The following TPX2 variants were observed in gnomAD, a reference collection of about 807,000 sequenced individuals.
TPX2 encodes the protein targeting protein for Xklp2.
TPX2 carries 21 observed loss-of-function variants against 93.6 expected under a neutral mutation model. The observed-to-expected ratio is 0.22, with a 90% CI of 0.16 to 0.32. TPX2 has a LOEUF of 0.32. TPX2 is among the 10% of genes least tolerant of loss of function. The pLI is 1.00. For synonymous variants in TPX2, 281 were observed against 298.3 expected, an observed-to-expected ratio of 0.94 and a Z score of 0.60; for missense variants, 776 against 871.1, an observed-to-expected ratio of 0.89 and a Z score of 1.37.
chr20:31,794,108 A>C, intron 14 of TPX2, 84 bp downstream of exon 14: 1 of 1,349,102 alleles, frequency 7.4e-7, no homozygotes, highest in Non-Finnish European at 1.0e-6. Context: ...TTTTAACTAT[A>C]AAATCACTGA....
chr20:31,759,078 C>T (rs2061870671), intron 3 of TPX2, among the ~76,000 whole-genome samples: 1 of 151,854 alleles, frequency 6.6e-6, no homozygotes, highest in African/African-American at 2.4e-5. Flanking sequence ...ATATTACTTT[C>T]CAATTTCTTT....
rs199599115 is a variant in TPX2 at position 31,776,032 on chromosome 20, T to C, written c.730+44T>C. 6 of 1,202,610 alleles carry C rather than the reference T, an allele frequency of 5.0e-6. No homozygotes were observed. The East Asian group carries it at 1.7e-4, about 33-fold the overall frequency. 74.5% of individuals were successfully genotyped at this position (1,202,610 alleles called of 1,614,324 possible). A position where few individuals can be genotyped will look rare whatever the true frequency, so the allele number is the denominator to read the frequency against. On this transcript the variant is annotated intron_variant, in intron 8 of 17. Transcript: ENST00000300403. ...GAGTCTGATTCATGAGGGGTGGTTC[T>C]TAACACTCTTGGTAGGTGTTTTTTT...
chr20:31,749,943 A>T (rs1300219748), intron 2 of TPX2, among the ~76,000 whole-genome samples: 4 of 151,782 alleles, frequency 2.6e-5, no homozygotes, highest in Non-Finnish European at 4.4e-5. Context: ...TAAATTAATT[A>T]TTATTATATT....
intron 10 of TPX2, among the ~76,000 whole-genome samples, chr20:31,779,604 G>A (rs185247795): frequency 2.4e-3 from 362 of 152,318 alleles, no homozygotes; most frequent in Non-Finnish European, 4.1e-3. Context: ...TTATGGCAGG[G>A]GATTTTGAGG....
intron 13 of TPX2, 139 bp from the exon 14 acceptor site, chr20:31,793,709 G>GTT: frequency 1.3e-6 from 1 of 782,720 alleles, no homozygotes; most frequent in Non-Finnish European, 1.9e-6. Flanking sequence ...ATCCTTCTTG[G>GTT]ATAGAAAAGG....
At chr20:31,778,767 G>T in intron 9 of TPX2, 46 bp from the exon 10 acceptor site, 1 of 1,496,186 alleles carries the variant, frequency 6.7e-7, no homozygotes, top group Non-Finnish European at 8.9e-7. Flanking sequence ...GTAGATGTGA[G>T]CTCTTCCGTG....
chr20:31,767,941 T>C (rs1796938737), intron 5 of TPX2, among the ~76,000 whole-genome samples: 1 of 151,470 alleles, frequency 6.6e-6, no homozygotes, highest in South Asian at 2.1e-4. Context: ...TCATCTTTTT[T>C]TTTTTTTTGA....
Position 31,794,557 on chromosome 20 carries a change from T to A in TPX2, c.1833+9T>A, listed in dbSNP as rs756153162. 5 of 1,612,430 alleles carry A rather than the reference T, an allele frequency of 3.1e-6. No homozygotes were observed. The highest frequency in any genetic ancestry group is 4.2e-6 in the Non-Finnish European group (5 of 1,179,512). On this transcript the variant is annotated intron_variant, in intron 15 of 17. Transcript: ENST00000300403. The stretch of plus-strand genomic sequence containing the variant: ...AGACTTGGAAGCACCAGGTAGGGGA[T>A]GGGGAGAGCAGCCAAAATGTTAATT...
intron 10 of TPX2, among the ~76,000 whole-genome samples, chr20:31,780,294 C>T (rs964075331): frequency 6.6e-6 from 1 of 152,042 alleles, no homozygotes; most frequent in Non-Finnish European, 1.5e-5. Context: ...TCAAGTGATC[C>T]GCCCGCCTCA....
chr20:31,775,439 G>A (rs544609921), intron 7 of TPX2, among the ~76,000 whole-genome samples: 1 of 151,568 alleles, frequency 6.6e-6, no homozygotes, highest in South Asian at 2.1e-4. Context: ...GCAGTGGCGT[G>A]ATCTTGGCTC....
At chr20:31,788,069 C>T (rs952928836) in intron 12 of TPX2, among the ~76,000 whole-genome samples, 3 of 152,080 alleles carry the variant, frequency 2.0e-5, no homozygotes, top group African/African-American at 7.2e-5. Flanking sequence ...ATTTATTTTC[C>T]TTTCACAGGG....
chr20:31,798,656 T>C, intron 17 of TPX2, 104 bp downstream of exon 17: 1 of 1,357,100 alleles, frequency 7.4e-7, no homozygotes, highest in Non-Finnish European at 9.8e-7. Flanking sequence ...CGCAAGGCTG[T>C]ACCAAAGACA....
intron 2 of TPX2, among the ~76,000 whole-genome samples, chr20:31,743,709 T>C (rs13042659): frequency 6.7e-6 from 1 of 149,462 alleles, no homozygotes; most frequent in Non-Finnish European, 1.5e-5. Context: ...AGTCTGTACA[T>C]ATGCAGTACA....
intron 17 of TPX2, among the ~76,000 whole-genome samples, chr20:31,799,451 A>T (rs994820372): frequency 2.0e-5 from 3 of 152,340 alleles, no homozygotes; most frequent in Admixed American, 1.3e-4. Flanking sequence ...TGCTCACACT[A>T]CAATAAGTGG....
Position 31,744,757 on chromosome 20 carries a change from A to C in TPX2, c.-71+2110A>C, listed in dbSNP as rs377045738. Among the ~76,000 whole-genome samples, 6 of 152,200 alleles carry C rather than the reference A, an allele frequency of 3.9e-5. No individual in the cohort carries two copies. The South Asian group carries it at 1.2e-3, about 32-fold the overall frequency. ...GGTATTCCATTATTTGGTTCTTTAT[A>C]TTACTTTTACCAGTGAAATTGCTGG... is the stretch of plus-strand genomic sequence containing the variant. On this transcript the variant is annotated intron_variant, in intron 2 of 17. Transcript: ENST00000300403.
At chr20:31,777,675 A>T in intron 9 of TPX2, 37 bp downstream of exon 9, 1 of 1,598,668 alleles carries the variant, frequency 6.3e-7, no homozygotes, top group African/African-American at 1.3e-5. Flanking sequence ...TCTGTTACTA[A>T]TATTCATTTA....
intron 6 of TPX2, among the ~76,000 whole-genome samples, chr20:31,771,010 GTTATAT>G (rs1234546156): frequency 2.0e-5 from 3 of 151,212 alleles, no homozygotes; most frequent in African/African-American, 4.9e-5. Flanking sequence ...ATCTCTAGGT[GTTATAT>G]TTATGTTTAA....
intron 17 of TPX2, among the ~76,000 whole-genome samples, chr20:31,800,497 C>G (rs1013556021): frequency 2.0e-5 from 3 of 152,196 alleles, no homozygotes; most frequent in African/African-American, 4.8e-5. Context: ...GGGACCATGC[C>G]TTCTTTAGCC....
chr20:31,779,837 G>A (rs1299791938), intron 10 of TPX2, among the ~76,000 whole-genome samples: 2 of 152,152 alleles, frequency 1.3e-5, no homozygotes, highest in Non-Finnish European at 2.9e-5. Flanking sequence ...GCAAATACTG[G>A]GGGAGTTTGT....
Sources: allele counts gnomAD v4.1 joint callset (sites outside exome capture counted in the v4.1 genomes callset), GRCh38; gene constraint gnomAD v4.1.1; transcripts MANE v1.5; gene names NCBI Gene and HGNC (gene_info 2026-07-23, HGNC 2026-07-21).